Variants in CELSR1 observed in about 807,000 individuals in gnomAD.
The protein encoded by CELSR1 is adhesion G protein-coupled receptor C1.
CELSR1 carries 110 observed loss-of-function variants against 249.1 expected under a neutral mutation model. That is an observed-to-expected ratio of 0.44 (90% CI 0.38 to 0.52). The LOEUF is 0.52. Ranked by LOEUF, CELSR1 falls within the 20% of genes least tolerant of loss-of-function variation. The pLI is 0.00. For synonymous variants in CELSR1, 2,113 were observed against 1,900.0 expected (o/e 1.11, Z -2.92); for missense variants, 4,109 against 4,296.4 (o/e 0.96, Z 1.22).
intron 9 of CELSR1, among the ~76,000 whole-genome samples, chr22:46,403,571 C>T (rs184448201): frequency 4.8e-4 from 73 of 151,074 alleles, no homozygotes; most frequent in African/African-American, 1.7e-3. Context: ...ACAAAAAAAA[C>T]AATAACGATA....
In CELSR1 at chr22:46,411,730, A is replaced by G; in HGVS notation, c.4641T>C (p.His1547=). The G allele has an allele frequency of 6.2e-7, 1 of 1,614,194 alleles. No individual in the cohort carries two copies. Among genetic ancestry groups the G allele is most frequent in the Non-Finnish European group, 8.5e-7 (1 of 1,180,044 alleles). The part of the protein sequence containing the change: ...KPNIGHLGLP[H]GPSGEKMAVV... Reference sequence around the variant, plus strand: ...CGGCCATCTTTTCCCCGGACGGCCCATGGGGCAGGCCCAGGTGGCCAATAT... The same window carrying G: ...CGGCCATCTTTTCCCCGGACGGCCCGTGGGGCAGGCCCAGGTGGCCAATAT... Residue 1547 remains histidine (H), a synonymous_variant, in exon 6 of 35, where the codon CAT becomes CAC. Coordinates refer to ENST00000674500, the MANE Select transcript of CELSR1 (RefSeq NM_001378328.1). The surrounding 1 kb of genome is among the most constrained non-coding windows in gnomAD (Gnocchi z 4.2).
Position 46,362,477 on chromosome 22 carries a change from G to A in CELSR1, c.*746C>T, listed in dbSNP as rs1030374244. On this transcript the variant is annotated 3_prime_UTR_variant, in exon 35 of 35. Transcript: ENST00000674500. Reference sequence around the variant, plus strand: ...CATCCTCACTTCCTGGCCGAAGGCAGCTGTAGGGCTTCTAGCCGCTTGGTT... The same window carrying A: ...CATCCTCACTTCCTGGCCGAAGGCAACTGTAGGGCTTCTAGCCGCTTGGTT... 3 of 152,716 alleles carry A rather than the reference G, an allele frequency of 2.0e-5. No individual in the cohort carries two copies. The highest frequency in any genetic ancestry group is 7.2e-5 in the African/African-American group (3 of 41,602). The allele number at this position is 152,716 out of a possible 1,614,324, so 9.5% of individuals were successfully genotyped here. A position where few individuals can be genotyped will look rare whatever the true frequency, so the allele number is the denominator to read the frequency against.
At chr22:46,532,506 A>C (rs2080802012) in intron 1 of CELSR1, among the ~76,000 whole-genome samples, 1 of 152,254 alleles carries the variant, frequency 6.6e-6, no homozygotes. Flanking sequence ...ACAGAATAAC[A>C]GCCAACCTTG....
intron 30 of CELSR1, 31 bp downstream of exon 30, chr22:46,366,355 C>A: frequency 6.7e-7 from 1 of 1,490,086 alleles, no homozygotes; most frequent in Middle Eastern, 1.7e-4. Flanking sequence ...GTTCGAGAGC[C>A]ACCTCCCCGA....
chr22:46,489,895 A>AG (rs2080351314), intron 1 of CELSR1, among the ~76,000 whole-genome samples: 1 of 149,138 alleles, frequency 6.7e-6, no homozygotes, highest in Non-Finnish European at 1.5e-5. Context: ...CTCCTTCTCA[A>AG]AAAAAAAAAA....
chr22:46,372,949 T>C lies in CELSR1; in HGVS notation c.7693A>G (p.Asn2565Asp). 1 of 1,613,394 alleles carries C rather than the reference T, an allele frequency of 6.2e-7. No homozygotes were observed. Among genetic ancestry groups the C allele is most frequent in the Non-Finnish European group, 8.5e-7 (1 of 1,179,872 alleles). Reference sequence around the variant, plus strand: ...AACCGCATGGGCCCCGTGTCGATGTTGCGCACCTCGGTCAGCATGCGGTAG... The same window carrying C: ...AACCGCATGGGCCCCGTGTCGATGTCGCGCACCTCGGTCAGCATGCGGTAG... ...HVYRMLTEVR[N>D]IDTGPMRFYY... The change falls in exon 25 of 35, where the codon AAC becomes GAC. Residue 2565 changes from asparagine (N) to aspartate (D), a missense_variant. Physicochemically the swap from Asn to Asp is conservative, Grantham distance 23. Transcript: ENST00000674500.
intron 1 of CELSR1, among the ~76,000 whole-genome samples, chr22:46,514,579 C>T (rs188470893): frequency 1.3e-5 from 2 of 152,290 alleles, no homozygotes; most frequent in East Asian, 3.9e-4. Flanking sequence ...CCGCCAGACC[C>T]TTGCTGAAAG....
intron 1 of CELSR1, among the ~76,000 whole-genome samples, chr22:46,486,286 C>T (rs918756846): frequency 3.6e-4 from 54 of 151,510 alleles, no homozygotes; most frequent in Admixed American, 2.0e-4. Context: ...CGCTGGCTCA[C>T]GCCTGTAATC....
rs542126408 is a variant in CELSR1, at chr22:46,371,034, A to G, written c.7760-1230T>C. 7.9e-5 allele frequency among the ~76,000 whole-genome samples: 12 copies of G among 152,316 alleles called. 1 individual carries two copies. The South Asian group carries it at 2.5e-3, about 32-fold the overall frequency. On this transcript the variant is annotated intron_variant, in intron 25 of 34. Coordinates refer to ENST00000674500, the MANE Select transcript of CELSR1 (RefSeq NM_001378328.1). ...AGCCATACGAGCCCCTTTCTAGGCCATGTTCTTCATCTCAGCGTCTCTCAC... is the reference window on the plus strand; with the variant it reads ...AGCCATACGAGCCCCTTTCTAGGCCGTGTTCTTCATCTCAGCGTCTCTCAC...
rs2147328885 is a variant in CELSR1, at chr22:46,409,945, A to ACCG, written c.4934-66_4934-65insCGG. On this transcript the variant is annotated intron_variant, in intron 7 of 34. Transcript: ENST00000674500. This position sits in a 1 kb window ranked among gnomAD's most constrained non-coding sequence, Gnocchi z 9.8. ...AACCGCCCGGGGTCCCCGGCGCCAG[A>ACCG]CGTGGCGTGGGAAACCAGGACGGAA... 1 of 1,596,120 alleles carries ACCG rather than the reference A, an allele frequency of 6.3e-7. No individual in the cohort carries two copies. The highest frequency in any genetic ancestry group is 2.2e-5 in the East Asian group (1 of 44,770).
intron 14 of CELSR1, 120 bp downstream of exon 14, chr22:46,394,018 GGTGT>G (rs1038940203): frequency 1.6e-6 from 2 of 1,237,764 alleles, no homozygotes; most frequent in African/African-American, 3.0e-5. Context: ...AGTGGGCACA[GGTGT>G]GTGTGCAGGG....
At chr22:46,383,406 G>C (rs575868196) in intron 20 of CELSR1, among the ~76,000 whole-genome samples, 26 of 152,302 alleles carry the variant, frequency 1.7e-4, no homozygotes, top group Admixed American at 1.6e-3. Flanking sequence ...AAACTGTTTT[G>C]AATCATAATC....
Position 46,526,951 on chromosome 22 carries a change from C to T in CELSR1, c.3544+6676G>A, listed in dbSNP as rs1318166266. ...CCGGTAAGGACTCTGGCTCAGGGAA[C>T]GAACCTCTCTCAGTTTCACTCTCAT... On this transcript the variant is annotated intron_variant, in intron 1 of 34. Transcript: ENST00000674500. The surrounding 1 kb of genome is among the most constrained non-coding windows in gnomAD (Gnocchi z 4.7). Among the ~76,000 whole-genome samples the T allele has an allele frequency of 2.6e-5, 4 of 152,174 alleles. No individual in the cohort carries two copies. Among genetic ancestry groups the T allele is most frequent in the Non-Finnish European group, 4.4e-5 (3 of 68,036 alleles).
At chr22:46,420,434 C>T (rs955921998) in intron 5 of CELSR1, among the ~76,000 whole-genome samples, 1 of 151,810 alleles carries the variant, frequency 6.6e-6, no homozygotes, top group Non-Finnish European at 1.5e-5. Flanking sequence ...GTGCACACAC[C>T]CACACACATG....
Position 46,402,067 on chromosome 22 carries a change from G to C in CELSR1, c.5227-2165C>G, listed in dbSNP as rs539138181. On this transcript the variant is annotated intron_variant, in intron 9 of 34. Coordinates refer to ENST00000674500, the MANE Select transcript of CELSR1 (RefSeq NM_001378328.1). The surrounding 1 kb of genome is among the most constrained non-coding windows in gnomAD (Gnocchi z 5.0). ...CACGCCACCGCACTCCAGCCTGGGCGATGGAGCGAGACTCCATCTCAAAAA... is the reference window on the plus strand; with the variant it reads ...CACGCCACCGCACTCCAGCCTGGGCCATGGAGCGAGACTCCATCTCAAAAA... Among the ~76,000 whole-genome samples, 18 of 152,206 alleles carry C rather than the reference G, an allele frequency of 1.2e-4. No individual in the cohort carries two copies. In the South Asian group the frequency reaches 3.5e-3, roughly 30 times the overall value.
chr22:46,392,032 CG>C (rs1416714728), intron 14 of CELSR1, among the ~76,000 whole-genome samples: 3 of 152,224 alleles, frequency 2.0e-5, no homozygotes, highest in Non-Finnish European at 2.9e-5. Flanking sequence ...GCAGTTCTTC[CG>C]GGAAGCACGC....
rs769982689 is a variant in CELSR1 at position 46,536,206 on chromosome 22, C to T, written c.965G>A (p.Arg322Lys). The T allele has an allele frequency of 4.3e-6, 7 of 1,612,664 alleles. No homozygotes were observed. The African/African-American group carries it at 9.3e-5, about 22-fold the overall frequency. ...CGTACTGTAGTCCACGGCTTTCACC[C>T]TGAGGACGTGCGTCTCCTTGGTCTC... ...DRETKETHVL[R>K]VKAVDYSTPP... Residue 322 changes from arginine to lysine, a missense_variant, in exon 1 of 35, where the codon AGG becomes AAG. This residue lies in a region of CELSR1 where 673 missense variants were observed against 636.8 expected (regional missense o/e 1.06). Coordinates refer to ENST00000674500, the MANE Select transcript of CELSR1 (RefSeq NM_001378328.1).
intron 1 of CELSR1, among the ~76,000 whole-genome samples, chr22:46,499,995 C>G (rs977152691): frequency 1.3e-5 from 2 of 152,178 alleles, no homozygotes; most frequent in African/African-American, 4.8e-5. Context: ...CCATTTCCAC[C>G]CCATGCCTGG....
Position 46,363,189 on chromosome 22 carries a change from T to C in CELSR1, c.*34A>G. ...GTGACGGGCTTGCCTCACGGTTTCC[T>C]GATGGTTCAAATTGAAGTTTCATTA... On this transcript the variant is annotated 3_prime_UTR_variant, in exon 35 of 35. Coordinates refer to ENST00000674500, the MANE Select transcript of CELSR1 (RefSeq NM_001378328.1). This position sits in a 1 kb window ranked among gnomAD's most constrained non-coding sequence, Gnocchi z 4.3. The C allele has an allele frequency of 6.3e-7, 1 of 1,579,154 alleles. No homozygotes were observed. Among genetic ancestry groups the C allele is most frequent in the Non-Finnish European group, 8.5e-7 (1 of 1,177,540 alleles).
Sources: allele counts gnomAD v4.1 joint callset (sites outside exome capture counted in the v4.1 genomes callset), GRCh38; gene constraint gnomAD v4.1.1; regional missense constraint gnomAD v4.1.1; non-coding constraint Gnocchi (gnomAD v3.1); transcripts MANE v1.5; gene names NCBI Gene and HGNC (gene_info 2026-07-23, HGNC 2026-07-21).